The following AANAT variants were observed in gnomAD, a reference collection of about 807,000 sequenced individuals.
The protein encoded by AANAT is aralkylamine N-acetyltransferase.
Under a neutral mutation model 15.6 loss-of-function variants are expected in AANAT, and 11 were observed. The ratio of observed to expected loss-of-function variants is 0.71; its 90% confidence interval spans 0.44 to 1.17. AANAT has a LOEUF of 1.17. AANAT is among the 50% of genes most tolerant of loss of function. The pLI is 0.00. For synonymous variants in AANAT, 139 were observed against 131.5 expected (o/e 1.06, Z -0.39); for missense variants, 286 against 296.3 (o/e 0.97, Z 0.26).
chr17:76,455,649 G>A (rs140964252), intron 1 of AANAT, among the ~76,000 whole-genome samples: 1 of 152,190 alleles, frequency 6.6e-6, no homozygotes, highest in East Asian at 1.9e-4. Context: ...ACAGTATTTA[G>A]GTTCTTCAAA....
In AANAT at chr17:76,468,783, G is replaced by T. The variant is rs139841386; in HGVS notation, c.37G>T (p.Ala13Ser). ...GAGCACCCACCCCCTGAAACCTGAG[G>T]CCCCACGTCTGCCACCTGGGATCCC... ...TQSTHPLKPE[A>S]PRLPPGIPES... The change falls in exon 2 of 4, where the codon GCC (alanine) becomes TCC (serine). Residue 13 changes from alanine to serine, a missense_variant. By Grantham distance (99) the Ala-to-Ser change is moderately conservative. Coordinates refer to ENST00000392492, the MANE Select transcript of AANAT (RefSeq NM_001088.3). 5.6e-4 allele frequency: 899 copies of T among 1,613,374 alleles called. 2 individuals carry two copies. The highest frequency in any genetic ancestry group is 6.7e-4 in the Non-Finnish European group (795 of 1,179,892).
chr17:76,468,530 C>T, intron 1 of AANAT, 142 bp from the exon 2 acceptor site: 2 of 698,864 alleles, frequency 2.9e-6, no homozygotes, highest in Non-Finnish European at 4.7e-6. Context: ...GCCTCGGGGA[C>T]CAGGTACCTG....
intron 1 of AANAT, among the ~76,000 whole-genome samples, chr17:76,456,601 G>A (rs1369612324): frequency 6.6e-6 from 1 of 152,166 alleles, no homozygotes; most frequent in Non-Finnish European, 1.5e-5. Flanking sequence ...ATGACCATCT[G>A]GAATCACTGC....
At chr17:76,457,021 G>A (rs144337540) in intron 1 of AANAT, among the ~76,000 whole-genome samples, 228 of 152,206 alleles carry the variant, frequency 1.5e-3, no homozygotes, top group Middle Eastern at 0.01. Flanking sequence ...GTCCCACGGC[G>A]GGATAAGGCA....
chr17:76,468,693 CT>C lies in AANAT; in HGVS notation c.-52del. 6.4e-7 allele frequency: 1 copy of C among 1,566,902 alleles called. No homozygotes were observed. The highest frequency in any genetic ancestry group is 8.6e-7 in the Non-Finnish European group (1 of 1,159,532). On this transcript the variant is annotated 5_prime_UTR_variant, in exon 2 of 4. Coordinates refer to ENST00000392492, the MANE Select transcript of AANAT (RefSeq NM_001088.3). ...ACAGGTGCTGGGAGGCCCTCCTTGG[CT>C]TAGGAGGACACTTCCAAAGCTGGGG...
Position 76,469,814 on chromosome 17 carries a change from C to A in AANAT, c.468C>A (p.Ala156=). The stretch of plus-strand genomic sequence containing the variant: ...GCAGCCAGCCGGCCGTGCGCCGGGC[C>A]GCGCTCATGTGCGAGGACGCGCTGG... ...HLGSQPAVRR[A]ALMCEDALVP... is the part of the protein sequence containing the mutation. The change falls in exon 4 of 4, where the codon GCC becomes GCA. Residue 156 remains alanine (A), a synonymous_variant. Transcript: ENST00000392492. The surrounding 1 kb of genome is among the most constrained non-coding windows in gnomAD (Gnocchi z 5.2). 2 of 1,604,116 alleles carry A rather than the reference C, an allele frequency of 1.2e-6. No individual in the cohort carries two copies. Among genetic ancestry groups the A allele is most frequent in the Non-Finnish European group, 1.7e-6 (2 of 1,176,480 alleles).
At position 76,469,770 on chromosome 17, in the gene AANAT, C is replaced by T. The variant is rs770306765; in HGVS notation, c.424C>T (p.Arg142Cys). ...QQGRGPILLWRYLHHLGSQPA... is the reference protein window; with the variant it reads ...QQGRGPILLWCYLHHLGSQPA... ...GGGCAGGGGCCCCATCCTGCTGTGG[C>T]GCTACCTGCACCACCTGGGCAGCCA... Residue 142 changes from arginine to cysteine, a missense_variant, in exon 4 of 4, where the codon CGC becomes TGC. Arg to Cys is a radical substitution (Grantham distance 180). Coordinates refer to ENST00000392492, the MANE Select transcript of AANAT (RefSeq NM_001088.3). The surrounding 1 kb of genome is among the most constrained non-coding windows in gnomAD (Gnocchi z 5.2). The T allele has an allele frequency of 8.2e-6, 13 of 1,585,454 alleles. No individual in the cohort carries two copies. Among genetic ancestry groups the T allele is most frequent in the African/African-American group, 4.0e-5 (3 of 74,396 alleles).
At chr17:76,458,007 G>C (rs771948629) in intron 1 of AANAT, among the ~76,000 whole-genome samples, 1 of 152,228 alleles carries the variant, frequency 6.6e-6, no homozygotes, top group South Asian at 2.1e-4. Context: ...CTGCACTTCA[G>C]CCTGGGAGAT....
At chr17:76,465,369 C>T (rs1181755331), upstream of AANAT, among the ~76,000 whole-genome samples, 1 of 139,484 alleles carries the variant, frequency 7.2e-6, no homozygotes, top group East Asian at 2.1e-4. Context: ...TTTGAGACAA[C>T]ATCTTGCTCA....
chr17:76,468,094 G>A (rs1389704764), intron 1 of AANAT, among the ~76,000 whole-genome samples: 1 of 152,086 alleles, frequency 6.6e-6, no homozygotes, highest in Non-Finnish European at 1.5e-5. Context: ...AGAAGTAGAG[G>A]CTCCCTAAGG....
At chr17:76,461,191 A>G (rs1019768572) in intron 2 of AANAT, among the ~76,000 whole-genome samples, 9 of 151,630 alleles carry the variant, frequency 5.9e-5, no homozygotes, top group Non-Finnish European at 1.0e-4. Context: ...CAAAAACAAA[A>G]AAACAGAAGA....
At chr17:76,468,637 G>C (rs1277574622) in intron 1 of AANAT, 35 bp from the exon 2 acceptor site, 2 of 1,513,030 alleles carry the variant, frequency 1.3e-6, no homozygotes, top group African/African-American at 2.8e-5. Context: ...CTGGAGATGA[G>C]GATGAGACCC....
chr17:76,464,555 C>T (rs558605516), upstream of AANAT, among the ~76,000 whole-genome samples: 1 of 151,942 alleles, frequency 6.6e-6, no homozygotes, highest in Non-Finnish European at 1.5e-5. Context: ...GGCAGGGTGG[C>T]ATGGTACACA....
chr17:76,462,291 A>G (rs867376994), intron 2 of AANAT: 1 of 152,204 alleles, frequency 6.6e-6, no homozygotes, highest in Non-Finnish European at 1.5e-5. Context: ...GTGTGTTGGT[A>G]TGGGAGCTCT....
upstream of AANAT, among the ~76,000 whole-genome samples, chr17:76,465,016 C>T (rs1475193489): frequency 1.3e-5 from 2 of 151,002 alleles, no homozygotes; most frequent in African/African-American, 4.9e-5. Context: ...AGGCTGGTCT[C>T]GAACTCTTGA....
chr17:76,465,386 C>T (rs1471531173), upstream of AANAT, among the ~76,000 whole-genome samples: 1 of 150,954 alleles, frequency 6.6e-6, no homozygotes, highest in African/African-American at 2.4e-5. Flanking sequence ...CTCAGTTACC[C>T]AGGCTGGAGT....
At chr17:76,466,575 T>G (rs926400693), upstream of AANAT, among the ~76,000 whole-genome samples, 3 of 151,760 alleles carry the variant, frequency 2.0e-5, no homozygotes, top group African/African-American at 7.3e-5. Context: ...AGTCTCATTG[T>G]GAGATGAGTG....
At chr17:76,458,796 C>T (rs2073361553) in intron 1 of AANAT, among the ~76,000 whole-genome samples, 2 of 152,206 alleles carry the variant, frequency 1.3e-5, no homozygotes. Flanking sequence ...TTCAGCCTGG[C>T]CCAAAGAGCT....
intron 1 of AANAT, 73 bp from the exon 2 acceptor site, chr17:76,468,598 GC>G: frequency 7.5e-7 from 1 of 1,326,696 alleles, no homozygotes; most frequent in Middle Eastern, 1.9e-4. Context: ...TACAAAAGAG[GC>G]CAGATACATA....
Sources: allele counts gnomAD v4.1 joint callset (sites outside exome capture counted in the v4.1 genomes callset), GRCh38; gene constraint gnomAD v4.1.1; non-coding constraint Gnocchi (gnomAD v3.1); transcripts MANE v1.5; gene names NCBI Gene and HGNC (gene_info 2026-07-23, HGNC 2026-07-21).